Variants in CYTH2 observed in about 807,000 individuals in gnomAD.
The protein encoded by CYTH2 is cytohesin-2.
In CYTH2, 24 loss-of-function variants were observed where a neutral mutation model predicts 55.4. The observed-to-expected ratio is 0.43, with a 90% CI of 0.31 to 0.61. The LOEUF (loss-of-function observed/expected upper bound fraction) is 0.61, where lower values mean the gene tolerates loss of function less well. Among genes scored for constraint, CYTH2 ranks in the 20% least tolerant of loss-of-function variants. The probability of loss-of-function intolerance (pLI) is 0.08; values close to 1 mark genes in which losing one functional copy is unlikely to be tolerated. For missense variants in CYTH2, 378 were observed against 533.5 expected, an observed-to-expected ratio of 0.71 and a Z score of 2.87; for synonymous variants, 221 against 209.6, an observed-to-expected ratio of 1.05 and a Z score of -0.47.
chr19:48,472,233 G>A lies in CYTH2; in HGVS notation c.235-92G>A, dbSNP rs183515402. 5 of 1,099,856 alleles carry A rather than the reference G, an allele frequency of 4.5e-6. No individual in the cohort carries two copies. In the African/African-American group the frequency reaches 6.2e-5, roughly 14 times the overall value. 68.1% of individuals were successfully genotyped at this position (1,099,856 alleles called of 1,614,324 possible). On this transcript the variant is annotated intron_variant, in intron 3 of 11. Coordinates refer to ENST00000452733, the MANE Select transcript of CYTH2 (RefSeq NM_004228.7). ...TGAAACCTGGCCCTGGTCTGTTGAG[G>A]GTGGGGGTAGGTCTGGATGCTGAGG... is the stretch of plus-strand genomic sequence containing the variant.
Position 48,474,303 on chromosome 19 carries a change from C to T in CYTH2, c.669C>T (p.Gly223=), listed in dbSNP as rs745607564. 4.7e-5 allele frequency: 76 copies of T among 1,610,926 alleles called. No individual in the cohort carries two copies. Among genetic ancestry groups the T allele is most frequent in the Non-Finnish European group, 6.0e-5 (71 of 1,178,374 alleles). ...CCATGAACCGGGGCATCAACGAGGG[C>T]GGGGACCTGCCTGAGGAGCTGCTCA... ...FVAMNRGINE[G]GDLPEELLRN... is the part of the protein sequence containing the mutation. Residue 223 remains glycine (G), a synonymous_variant, in exon 7 of 12, where the codon GGC becomes GGT. Transcript: ENST00000452733. This position sits in a 1 kb window ranked among gnomAD's most constrained non-coding sequence, Gnocchi z 4.9.
At chr19:48,473,071 G>T (rs1331332900) in intron 4 of CYTH2, 1 of 546,676 alleles carries the variant, frequency 1.8e-6, no homozygotes, top group Non-Finnish European at 3.3e-6. Flanking sequence ...CTGTACAAAG[G>T]TCTGGCCTAA....
At position 48,474,105 on chromosome 19, in the gene CYTH2, G is replaced by C; in HGVS notation, c.548-77G>C. The C allele has an allele frequency of 3.2e-6, 5 of 1,546,854 alleles. 1 individual carries two copies. In the South Asian group the frequency reaches 6.2e-5, roughly 19 times the overall value. ...AGGGAGGGAGGGGGCTGGGAGCTGG[G>C]AATCCTGGGTCCTGGGGAATGGGGG... On this transcript the variant is annotated intron_variant, in intron 6 of 11. Transcript: ENST00000452733. The surrounding 1 kb of genome is among the most constrained non-coding windows in gnomAD (Gnocchi z 4.9).
In CYTH2 at chr19:48,480,248, G is replaced by C. The variant is rs1972022884; in HGVS notation, c.*1038G>C. 1 of 152,236 alleles carries C rather than the reference G, an allele frequency of 6.6e-6. No individual in the cohort carries two copies. The highest frequency in any genetic ancestry group is 1.5e-5 in the Non-Finnish European group (1 of 68,038). 9.4% of individuals were successfully genotyped at this position (152,236 alleles called of 1,614,324 possible). On this transcript the variant is annotated 3_prime_UTR_variant, in exon 12 of 12. Coordinates refer to ENST00000452733, the MANE Select transcript of CYTH2 (RefSeq NM_004228.7). ...GGGAGGTCCCATGTCACTCTCCCAT[G>C]CCCGCCTTTGAAGCTGAGGCGCTCT...
chr19:48,474,134 T>C lies in CYTH2; in HGVS notation c.548-48T>C, dbSNP rs567141309. 6.2e-5 allele frequency: 96 copies of C among 1,556,358 alleles called. No individual in the cohort carries two copies. In the South Asian group the frequency reaches 1.0e-3, roughly 17 times the overall value. Reference sequence around the variant, plus strand: ...CCTGGGTCCTGGGGAATGGGGGCACTGGGGACTGACATGCCTGGGTCGTCA... The same window carrying C: ...CCTGGGTCCTGGGGAATGGGGGCACCGGGGACTGACATGCCTGGGTCGTCA... On this transcript the variant is annotated intron_variant, in intron 6 of 11. Transcript: ENST00000452733. This position sits in a 1 kb window ranked among gnomAD's most constrained non-coding sequence, Gnocchi z 4.9.
Position 48,478,162 on chromosome 19 carries a change from C to G in CYTH2, c.885+17C>G, listed in dbSNP as rs1184519774. ...TACACCACGGTGAGCGTGACCCGACCCGGGCTCTGGGGTCCTGGGCGGAGT... is the reference window on the plus strand; with the variant it reads ...TACACCACGGTGAGCGTGACCCGACGCGGGCTCTGGGGTCCTGGGCGGAGT... On this transcript the variant is annotated intron_variant, in intron 9 of 11. Coordinates refer to ENST00000452733, the MANE Select transcript of CYTH2 (RefSeq NM_004228.7). 6.2e-7 allele frequency: 1 copy of G among 1,613,544 alleles called. No individual in the cohort carries two copies. Among genetic ancestry groups the G allele is most frequent in the Non-Finnish European group, 8.5e-7 (1 of 1,179,558 alleles).
intron 11 of CYTH2, among the ~76,000 whole-genome samples, chr19:48,478,882 C>T (rs1481080228): frequency 4.5e-5 from 6 of 134,328 alleles, no homozygotes; most frequent in Non-Finnish European, 9.6e-5. Flanking sequence ...GGAGGAGGGG[C>T]CGGGGGCCTG....
intron 11 of CYTH2, 69 bp from the exon 12 acceptor site, chr19:48,479,054 G>GT (rs1395542932): frequency 1.3e-6 from 2 of 1,505,674 alleles, no homozygotes; most frequent in Non-Finnish European, 1.8e-6. Flanking sequence ...CTCCTCCTGG[G>GT]TATGAGGGAG....
At chr19:48,469,591 G>A in intron 1 of CYTH2, 65 bp downstream of exon 1, 2 of 1,320,264 alleles carry the variant, frequency 1.5e-6, no homozygotes, top group Non-Finnish European at 9.7e-7. Flanking sequence ...ACGTTCCGCC[G>A]CGAACGTTTC....
chr19:48,473,269 CTG>C (rs1971840922), intron 4 of CYTH2, 27 bp from the exon 5 acceptor site: 4 of 1,612,750 alleles, frequency 2.5e-6, no homozygotes, highest in Non-Finnish European at 3.4e-6. Context: ...CCTTTCCAAA[CTG>C]TATGTGTCTT....
In CYTH2 at chr19:48,474,390, C is replaced by T. The variant is rs1971867808; in HGVS notation, c.696+60C>T. ...CTCTTCCTGCCACAGACACCCCCGC[C>T]CCACCTGTGGTCTCCTAGTGCCCAA... On this transcript the variant is annotated intron_variant, in intron 7 of 11. Transcript: ENST00000452733. This position sits in a 1 kb window ranked among gnomAD's most constrained non-coding sequence, Gnocchi z 4.9. 2 of 1,516,616 alleles carry T rather than the reference C, an allele frequency of 1.3e-6. No homozygotes were observed. Among genetic ancestry groups the T allele is most frequent in the Non-Finnish European group, 1.8e-6 (2 of 1,130,932 alleles). 93.9% of individuals were successfully genotyped at this position (1,516,616 alleles called of 1,614,324 possible). A position where few individuals can be genotyped will look rare whatever the true frequency, so the allele number is the denominator to read the frequency against.
chr19:48,472,674 C>T, intron 4 of CYTH2: 1 of 579,108 alleles, frequency 1.7e-6, no homozygotes. Context: ...AATTACCTGG[C>T]AGTTGTGGGG....
intron 5 of CYTH2, chr19:48,473,627 G>A: frequency 1.7e-6 from 1 of 599,668 alleles, no homozygotes; most frequent in South Asian, 2.0e-5. Flanking sequence ...CACTGTGTCA[G>A]CATTGCTCTC....
intron 8 of CYTH2, chr19:48,476,220 TAG>T (rs769598619): frequency 3.6e-5 from 10 of 275,762 alleles, no homozygotes; most frequent in Non-Finnish European, 5.2e-5. Context: ...GGAGGATTGT[TAG>T]AGGTCAGGAG....
In CYTH2 at chr19:48,478,459, C is replaced by G. The variant is rs1325689164; in HGVS notation, c.979C>G (p.Pro327Ala). The G allele has an allele frequency of 6.2e-7, 1 of 1,614,092 alleles. No individual in the cohort carries two copies. Among genetic ancestry groups the G allele is most frequent in the South Asian group, 1.1e-5 (1 of 91,072 alleles). Residue 327 changes from proline (P) to alanine (A), a missense_variant, in exon 11 of 12, where the codon CCC becomes GCC. Physicochemically the swap from Pro to Ala is conservative, Grantham distance 27. Transcript: ENST00000452733. ...RKPNCFELYI[P>A]NNKGQLIKAC... is the part of the protein sequence containing the mutation. ...CCAGAACTGCTTTGAACTTTACATC[C>G]CCAACAACAAGGGGCAGCTCATCAA...
At chr19:48,471,385 C>G (rs1971789907) in intron 3 of CYTH2, among the ~76,000 whole-genome samples, 1 of 152,186 alleles carries the variant, frequency 6.6e-6, no homozygotes, top group Non-Finnish European at 1.5e-5. Context: ...CTCCTGACGT[C>G]AGGTGATCCG....
At chr19:48,470,770 A>G in intron 3 of CYTH2, 101 bp downstream of exon 3, 2 of 1,320,480 alleles carry the variant, frequency 1.5e-6, no homozygotes, top group Non-Finnish European at 2.2e-6. Flanking sequence ...GGTCTATTCT[A>G]GGTGGACAGA....
At position 48,478,174 on chromosome 19, in the gene CYTH2, G is replaced by A. The variant is rs1470534735; in HGVS notation, c.885+29G>A. The A allele has an allele frequency of 3.1e-6, 5 of 1,613,134 alleles. No homozygotes were observed. In the African/African-American group the frequency reaches 4.0e-5, roughly 13 times the overall value. ...AGCGTGACCCGACCCGGGCTCTGGG[G>A]TCCTGGGCGGAGTGGCTGGGAGCCT... On this transcript the variant is annotated intron_variant, in intron 9 of 11. Coordinates refer to ENST00000452733, the MANE Select transcript of CYTH2 (RefSeq NM_004228.7).
chr19:48,470,631 G>A lies in CYTH2; in HGVS notation c.196G>A (p.Ala66Thr), dbSNP rs1348611175. 6.2e-7 allele frequency: 1 copy of A among 1,614,252 alleles called. No individual in the cohort carries two copies. Among genetic ancestry groups the A allele is most frequent in the South Asian group, 1.1e-5 (1 of 91,090 alleles). The change falls in exon 3 of 12, where the codon GCA becomes ACA. Residue 66 changes from alanine to threonine, a missense_variant. Ala to Thr is a moderately conservative substitution (Grantham distance 58). Coordinates refer to ENST00000452733, the MANE Select transcript of CYTH2 (RefSeq NM_004228.7). ...GACCTTGCAACGGAACCGGAAGATG[G>A]CAATGGGCAGGAAGAAGTTCAACAT... ...SKTLQRNRKM[A>T]MGRKKFNMDP...
Sources: gnomAD v4.1 joint callset for allele counts (sites outside exome capture counted in the v4.1 genomes callset) on GRCh38, gnomAD v4.1.1 for gene constraint, Gnocchi (gnomAD v3.1) non-coding constraint, MANE v1.5 for transcripts, NCBI Gene and HGNC (gene_info 2026-07-23, HGNC 2026-07-21) for gene names.